Variants in PLCL2 observed in about 807,000 individuals in gnomAD.
PLCL2 encodes the protein inactive phospholipase C-like protein 2.
In PLCL2, 4 loss-of-function variants were observed where a neutral mutation model predicts 79.6. The ratio of observed to expected loss-of-function variants is 0.05; its 90% CI spans 0.02 to 0.11. The LOEUF is 0.11. PLCL2 is among the 10% of genes least tolerant of loss of function. PLCL2 has a pLI of 1.00. For missense variants in PLCL2, 895 were observed against 1,291.0 expected (o/e 0.69, Z 4.70); for synonymous variants, 484 against 457.7 (o/e 1.06, Z -0.73).
intron 1 of PLCL2, among the ~76,000 whole-genome samples, chr3:16,933,487 T>C (rs1178466709): frequency 6.6e-6 from 1 of 152,194 alleles, no homozygotes; most frequent in African/African-American, 2.4e-5. Flanking sequence ...TTCTCCCCAT[T>C]TTGACTTCAC....
At chr3:17,030,797 A>G (rs905178615) in intron 3 of PLCL2, among the ~76,000 whole-genome samples, 5 of 152,210 alleles carry the variant, frequency 3.3e-5, no homozygotes, top group Admixed American at 2.6e-4. Context: ...ACGAACGTCT[A>G]TACTTAGTTA....
At chr3:16,974,718 G>A (rs2063906640) in intron 1 of PLCL2, among the ~76,000 whole-genome samples, 1 of 152,198 alleles carries the variant, frequency 6.6e-6, no homozygotes. Flanking sequence ...AATGGTTTCT[G>A]TTTAGGATCA....
intron 1 of PLCL2, among the ~76,000 whole-genome samples, chr3:17,005,668 C>T (rs1282375450): frequency 2.6e-5 from 4 of 152,246 alleles, no homozygotes; most frequent in Non-Finnish European, 2.9e-5. Flanking sequence ...AAATCATTCC[C>T]GGTATGAAAT....
At chr3:17,037,822 CA>C (rs1319761063) in intron 3 of PLCL2, among the ~76,000 whole-genome samples, 1 of 152,164 alleles carries the variant, frequency 6.6e-6, no homozygotes, top group Non-Finnish European at 1.5e-5. Flanking sequence ...TATAAAACCA[CA>C]GACTTGCTTA....
At chr3:17,051,750 G>T (rs2064841343) in intron 4 of PLCL2, among the ~76,000 whole-genome samples, 1 of 152,166 alleles carries the variant, frequency 6.6e-6, no homozygotes, top group Non-Finnish European at 1.5e-5. Context: ...TGTACAACAT[G>T]GAGGCCTGAA....
chr3:16,992,491 C>T (rs981993795), intron 1 of PLCL2, among the ~76,000 whole-genome samples: 2 of 152,208 alleles, frequency 1.3e-5, no homozygotes, highest in Non-Finnish European at 2.9e-5. Flanking sequence ...GTGGGCTATA[C>T]AGGCATTGTG....
At chr3:16,980,373 C>G (rs1402334180) in intron 1 of PLCL2, among the ~76,000 whole-genome samples, 2 of 148,772 alleles carry the variant, frequency 1.3e-5, no homozygotes, top group African/African-American at 5.0e-5. Context: ...CTCCTCACTT[C>G]TCAGACAGGG....
chr3:16,924,102 ATG>A (rs952988000), intron 1 of PLCL2, among the ~76,000 whole-genome samples: 4 of 152,154 alleles, frequency 2.6e-5, no homozygotes, highest in African/African-American at 9.7e-5. Context: ...AGTACATCCA[ATG>A]TGTGGGTTTC....
intron 3 of PLCL2, among the ~76,000 whole-genome samples, chr3:17,041,629 T>G (rs1383863361): frequency 1.3e-5 from 2 of 152,170 alleles, no homozygotes; most frequent in African/African-American, 4.8e-5. Context: ...ACTATGGCAA[T>G]TAGTGATAAA....
intron 1 of PLCL2, among the ~76,000 whole-genome samples, chr3:16,915,563 T>C (rs759040356): frequency 2.0e-5 from 3 of 152,344 alleles, no homozygotes; most frequent in Non-Finnish European, 4.4e-5. Context: ...ATAGGTAGGT[T>C]TCTTTGCTGC....
At position 16,993,217 on chromosome 3, in the gene PLCL2, C is replaced by T. The variant is rs147206134; in HGVS notation, c.328-16457C>T. 3.7e-4 allele frequency among the ~76,000 whole-genome samples: 57 copies of T among 152,292 alleles called. 1 individual carries two copies. The highest frequency in any genetic ancestry group is 1.3e-3 in the African/African-American group (56 of 41,556). On this transcript the variant is annotated intron_variant, in intron 1 of 5. Transcript: ENST00000615277. ...ATCATATGTTTCAGTTTGCCCAGGG[C>T]AGTCCCTGTTGATGTGGCATGTTTA...
rs1054376000 is a variant in PLCL2 at position 17,048,733 on chromosome 3, T to C, written c.3094+5784T>C. ...TTAAAACGCTGTGTGATGCTAATCA[T>C]CTCTGACTGAGCAGTTTATCATTCC... On this transcript the variant is annotated intron_variant, in intron 4 of 5. Transcript: ENST00000615277. Among the ~76,000 whole-genome samples, 13 of 152,348 alleles carry C rather than the reference T, an allele frequency of 8.5e-5. No homozygotes were observed. In the South Asian group the frequency reaches 1.2e-3, roughly 15 times the overall value.
chr3:16,972,826 A>G (rs1308363842), intron 1 of PLCL2, among the ~76,000 whole-genome samples: 3 of 151,162 alleles, frequency 2.0e-5, no homozygotes, highest in African/African-American at 4.9e-5. Flanking sequence ...TCTGTTTTCC[A>G]TTTGCTTGGT....
chr3:16,925,412 C>T lies in PLCL2; in HGVS notation c.327+40046C>T, dbSNP rs191169424. On this transcript the variant is annotated intron_variant, in intron 1 of 5. Transcript: ENST00000615277. Reference sequence around the variant, plus strand: ...TTTTAATTTTTTGAGATGCAATTCTCATACCATACAATCTATTTTTTAAGG... The same window carrying T: ...TTTTAATTTTTTGAGATGCAATTCTTATACCATACAATCTATTTTTTAAGG... Among the ~76,000 whole-genome samples the T allele has an allele frequency of 1.4e-3, 217 of 152,230 alleles. 1 individual carries two copies. Among genetic ancestry groups the T allele is most frequent in the African/African-American group, 4.9e-3 (203 of 41,532 alleles).
intron 3 of PLCL2, among the ~76,000 whole-genome samples, chr3:17,018,481 C>G (rs1231726137): frequency 6.6e-6 from 1 of 152,194 alleles, no homozygotes; most frequent in Non-Finnish European, 1.5e-5. Flanking sequence ...AGCTTGTCCT[C>G]TCTGCCTCTC....
At chr3:17,029,381 T>C (rs2064557049) in intron 3 of PLCL2, among the ~76,000 whole-genome samples, 1 of 149,720 alleles carries the variant, frequency 6.7e-6, no homozygotes, top group Admixed American at 6.6e-5. Flanking sequence ...AAAACAACTG[T>C]ATAGAAGAGC....
intron 1 of PLCL2, among the ~76,000 whole-genome samples, chr3:16,885,712 G>C (rs1345352562): frequency 6.6e-6 from 1 of 152,174 alleles, no homozygotes; most frequent in Non-Finnish European, 1.5e-5. Context: ...GATTTCTATT[G>C]TATCTTAAAC....
rs141640321 is a variant in PLCL2 at position 16,895,072 on chromosome 3, A to C, written c.327+9706A>C. Among the ~76,000 whole-genome samples the C allele has an allele frequency of 8.4e-3, 1,279 of 151,482 alleles. 20 individuals are homozygous for C. Among genetic ancestry groups the C allele is most frequent in the African/African-American group, 0.028 (1,170 of 41,382 alleles). On this transcript the variant is annotated intron_variant, in intron 1 of 5. Coordinates refer to ENST00000615277, the MANE Select transcript of PLCL2 (RefSeq NM_001144382.2). ...GATATGTTGAAACACGTATCTATAT[A>C]GATATAGATATATGTTGAAACATGT...
intron 1 of PLCL2, among the ~76,000 whole-genome samples, chr3:16,892,968 C>T (rs1575513244): frequency 6.6e-6 from 1 of 152,288 alleles, no homozygotes; most frequent in Middle Eastern, 3.4e-3. Context: ...TTTTTTCTTT[C>T]TTCTCCTACT....
Sources: gnomAD v4.1 joint callset for allele counts (sites outside exome capture counted in the v4.1 genomes callset) on GRCh38, gnomAD v4.1.1 for gene constraint, MANE v1.5 for transcripts, NCBI Gene and HGNC (gene_info 2026-07-23, HGNC 2026-07-21) for gene names.